TLN2: variants seen among roughly 807,000 people sequenced by gnomAD.
TLN2 encodes the protein talin-2.
A neutral mutation model predicts 294.7 loss-of-function variants in TLN2; 118 were observed. The observed-to-expected ratio is 0.40, with a 90% CI of 0.34 to 0.47. The LOEUF (loss-of-function observed/expected upper bound fraction) is 0.47, where lower values mean the gene tolerates loss of function less well. Ranked by LOEUF, TLN2 falls within the 20% of genes least tolerant of loss-of-function variation. The probability of loss-of-function intolerance (pLI) is 0.84; values close to 1 mark genes in which losing one functional copy is unlikely to be tolerated. For missense variants in TLN2, 3,083 were observed against 3,282.2 expected (o/e 0.94, Z 1.48); for synonymous variants, 1,431 against 1,304.5 (o/e 1.10, Z -2.09).
At chr15:62,543,913 G>A (rs915743338) in intron 1 of TLN2, among the ~76,000 whole-genome samples, 2 of 152,166 alleles carry the variant, frequency 1.3e-5, no homozygotes, top group African/African-American at 4.8e-5. Flanking sequence ...AGGGAGGACT[G>A]TAATAGTAAG....
intron 10 of TLN2, 124 bp from the exon 11 acceptor site, chr15:62,675,093 C>A: frequency 1.2e-6 from 1 of 856,422 alleles, no homozygotes; most frequent in South Asian, 1.7e-5. Context: ...GGGTCTCAGA[C>A]ACAACCATCA....
intron 9 of TLN2, among the ~76,000 whole-genome samples, chr15:62,670,360 T>G (rs1596602232): frequency 1.3e-5 from 2 of 152,186 alleles, no homozygotes; most frequent in East Asian, 3.8e-4. Flanking sequence ...TGCTACTTAC[T>G]CACAAGTCCT....
intron 1 of TLN2, among the ~76,000 whole-genome samples, chr15:62,544,506 T>C (rs1308837318): frequency 1.3e-5 from 2 of 152,196 alleles, no homozygotes; most frequent in African/African-American, 4.8e-5. Flanking sequence ...ACCAACACTG[T>C]GTGTACAAGG....
chr15:62,580,557 C>T (rs1001675109), intron 1 of TLN2, among the ~76,000 whole-genome samples: 1 of 152,080 alleles, frequency 6.6e-6, no homozygotes, highest in Non-Finnish European at 1.5e-5. Flanking sequence ...ACTATAGGCG[C>T]ATACCACCAC....
chr15:62,403,730 A>T (rs1339834467), intron 1 of TLN2, among the ~76,000 whole-genome samples: 4 of 152,010 alleles, frequency 2.6e-5, no homozygotes, highest in Non-Finnish European at 1.5e-5. Context: ...TTCTTGCTGG[A>T]TGTTTCTTCC....
chr15:62,444,016 C>A (rs1405460651), intron 1 of TLN2, among the ~76,000 whole-genome samples: 2 of 152,166 alleles, frequency 1.3e-5, no homozygotes, highest in Non-Finnish European at 2.9e-5. Flanking sequence ...AATCTGTTTT[C>A]TAGCAGTTCA....
At chr15:62,460,641 C>T (rs2036748315) in intron 1 of TLN2, among the ~76,000 whole-genome samples, 1 of 152,144 alleles carries the variant, frequency 6.6e-6, no homozygotes, top group Admixed American at 6.5e-5. Flanking sequence ...GGTGCCAGTC[C>T]TCATGATGGA....
intron 1 of TLN2, among the ~76,000 whole-genome samples, chr15:62,502,837 C>G (rs2039377857): frequency 6.6e-6 from 1 of 152,206 alleles, no homozygotes; most frequent in South Asian, 2.1e-4. Flanking sequence ...GTTTTCCTAT[C>G]ACCTGTGTCT....
In TLN2 at chr15:62,796,313, G is replaced by T. The variant is rs376474432; in HGVS notation, c.6050+20G>T. The T allele has an allele frequency of 3.7e-6, 6 of 1,604,296 alleles. No individual in the cohort carries two copies. Among genetic ancestry groups the T allele is most frequent in the Admixed American group, 3.4e-5 (2 of 58,824 alleles). On this transcript the variant is annotated intron_variant, in intron 47 of 58. Transcript: ENST00000636159. Reference sequence around the variant, plus strand: ...CCACAGGTACGTGGGGGTCCTGGACGGGGAGAGGTTCAGGCTGGCCTGCCC... The same window carrying T: ...CCACAGGTACGTGGGGGTCCTGGACTGGGAGAGGTTCAGGCTGGCCTGCCC...
intron 51 of TLN2, among the ~76,000 whole-genome samples, chr15:62,807,654 G>T (rs547616840): frequency 4.6e-5 from 7 of 152,174 alleles, no homozygotes; most frequent in Non-Finnish European, 7.3e-5. Flanking sequence ...GTGCTCCCCT[G>T]TTTTCAGGGG....
chr15:62,493,401 G>A (rs1253787108), intron 1 of TLN2, among the ~76,000 whole-genome samples: 1 of 152,144 alleles, frequency 6.6e-6, no homozygotes, highest in Non-Finnish European at 1.5e-5. Flanking sequence ...TGCGGTGGGT[G>A]TTAACAACAT....
intron 42 of TLN2, among the ~76,000 whole-genome samples, chr15:62,774,114 A>G (rs2063534001): frequency 6.6e-6 from 1 of 152,066 alleles, no homozygotes; most frequent in African/African-American, 2.4e-5. Context: ...ACTGTTGGAC[A>G]GTTCTAATTA....
In TLN2 at chr15:62,692,693, A is replaced by G; in HGVS notation, c.1114-147A>G. On this transcript the variant is annotated intron_variant, in intron 12 of 58. Transcript: ENST00000636159. ...TTTTACCGTTGTTGAATATTGTTGAATAAATTTTAGGATATTCATTTGTAT... is the reference window on the plus strand; with the variant it reads ...TTTTACCGTTGTTGAATATTGTTGAGTAAATTTTAGGATATTCATTTGTAT... 4.8e-6 allele frequency: 3 copies of G among 627,406 alleles called. No homozygotes were observed. In the South Asian group the frequency reaches 5.7e-5, roughly 12 times the overall value. The allele number at this position is 627,406 out of a possible 1,614,324, so 38.9% of individuals were successfully genotyped here.
At chr15:62,615,494 A>T (rs992002007) in intron 2 of TLN2, among the ~76,000 whole-genome samples, 2 of 152,204 alleles carry the variant, frequency 1.3e-5, no homozygotes, top group African/African-American at 4.8e-5. Context: ...TGGTTATAAG[A>T]TAGTCTACTG....
intron 1 of TLN2, among the ~76,000 whole-genome samples, chr15:62,463,828 A>G (rs1018957445): frequency 6.6e-6 from 1 of 152,232 alleles, no homozygotes; most frequent in Non-Finnish European, 1.5e-5. Flanking sequence ...CAGAGCATGC[A>G]GTGAGCTGAG....
At chr15:62,729,466 A>G (rs1190971966) in intron 28 of TLN2, among the ~76,000 whole-genome samples, 5 of 152,114 alleles carry the variant, frequency 3.3e-5, no homozygotes, top group African/African-American at 9.7e-5. Context: ...TGACTTCTTT[A>G]TATCATTGAG....
intron 1 of TLN2, among the ~76,000 whole-genome samples, chr15:62,464,747 C>A (rs529533152): frequency 6.6e-6 from 1 of 152,204 alleles, no homozygotes; most frequent in African/African-American, 2.4e-5. Flanking sequence ...AGCCAGCTAT[C>A]GGGCATTCTT....
At chr15:62,708,400 C>T (rs560745378) in intron 20 of TLN2, 102 bp from the exon 21 acceptor site, 47 of 1,241,766 alleles carry the variant, frequency 3.8e-5, no homozygotes, top group Admixed American at 6.1e-5. Context: ...AGTAAGAAAC[C>T]GAGGCCCAGA....
intron 2 of TLN2, among the ~76,000 whole-genome samples, chr15:62,610,633 G>C (rs1280034967): frequency 4.6e-5 from 7 of 152,178 alleles, no homozygotes; most frequent in Admixed American, 1.3e-4. Context: ...ACTGTGAAAC[G>C]GAGACGTTTA....
Sources: gnomAD v4.1 joint callset for allele counts (sites outside exome capture counted in the v4.1 genomes callset) on GRCh38, gnomAD v4.1.1 for gene constraint, MANE v1.5 for transcripts, NCBI Gene and HGNC (gene_info 2026-07-23, HGNC 2026-07-21) for gene names.